KAT2A: variants seen among roughly 807,000 people sequenced by gnomAD.
KAT2A encodes lysine acetyltransferase 2A, also known as histone acetyltransferase KAT2A.
In KAT2A, 42 loss-of-function variants were observed where a neutral mutation model predicts 95.2. The observed-to-expected ratio is 0.44, with a 90% CI of 0.34 to 0.57. The LOEUF (loss-of-function observed/expected upper bound fraction) is 0.57. KAT2A is among the 20% of genes least tolerant of loss of function. The pLI is 0.01. For synonymous variants in KAT2A, 449 were observed against 448.2 expected (o/e 1.00, Z -0.02); for missense variants, 784 against 1,126.3 (o/e 0.70, Z 4.35).
chr17:42,120,787 G>A lies in KAT2A; in HGVS notation c.382C>T (p.Pro128Ser), dbSNP rs782037740. ...CKCNGWKNPK[P>S]PTAPRMDLQQ... ...AGATCCATGCGGGGTGCAGTGGGGGGCTTGGGGTTTTTCCAGCCATTACAC... is the reference window on the plus strand; with the variant it reads ...AGATCCATGCGGGGTGCAGTGGGGGACTTGGGGTTTTTCCAGCCATTACAC... The change falls in exon 2 of 18, where the codon CCC (proline) becomes TCC (serine). Residue 128 changes from proline to serine, a missense_variant. Coordinates refer to ENST00000225916, the MANE Select transcript of KAT2A (RefSeq NM_021078.3). The A allele has an allele frequency of 4.3e-6, 7 of 1,613,714 alleles. No individual in the cohort carries two copies. Among genetic ancestry groups the A allele is most frequent in the Admixed American group, 3.3e-5 (2 of 59,946 alleles).
chr17:42,119,791 G>A lies in KAT2A; in HGVS notation c.700-73C>T, dbSNP rs1280986070. 2 of 1,320,580 alleles carry A rather than the reference G, an allele frequency of 1.5e-6. No individual in the cohort carries two copies. Among genetic ancestry groups the A allele is most frequent in the Non-Finnish European group, 1.0e-6 (1 of 959,552 alleles). 81.8% of individuals were successfully genotyped at this position (1,320,580 alleles called of 1,614,324 possible). ...GCCCGCAGGGCCTTCTTAGACAAAG[G>A]AAGATGCTCCCTGGCCAGGGACAAG... On this transcript the variant is annotated intron_variant, in intron 4 of 17. Coordinates refer to ENST00000225916, the MANE Select transcript of KAT2A (RefSeq NM_021078.3). This position sits in a 1 kb window ranked among gnomAD's most constrained non-coding sequence, Gnocchi z 5.3.
In KAT2A at chr17:42,115,838, G is replaced by C. The variant is rs782659328; in HGVS notation, c.1765-5C>G. The C allele has an allele frequency of 3.2e-6, 5 of 1,565,882 alleles. No individual in the cohort carries two copies. The highest frequency in any genetic ancestry group is 2.2e-5 in the East Asian group (1 of 44,666). ...CATCAGGTGGGTCCCATAACCCTGC[G>C]GGGGAGGGAAGCAGGACTCACCAGG... On this transcript the variant is annotated splice_polypyrimidine_tract_variant and splice_region_variant and intron_variant, in intron 11 of 17. Transcript: ENST00000225916.
rs1442613822 is a variant in KAT2A, at chr17:42,119,944, T to C, written c.699+86A>G. 5 of 1,268,056 alleles carry C rather than the reference T, an allele frequency of 3.9e-6. No individual in the cohort carries two copies. In the East Asian group the frequency reaches 9.3e-5, roughly 24 times the overall value. The allele number at this position is 1,268,056 out of a possible 1,614,324, so 78.6% of individuals were successfully genotyped here. A position where few individuals can be genotyped will look rare whatever the true frequency, so the allele number is the denominator to read the frequency against. Reference sequence around the variant, plus strand: ...TCTGAACCTCCCCAGTGTTCTCAGCTTGAGGAGAATGGAGAACACAGGCTC... The same window carrying C: ...TCTGAACCTCCCCAGTGTTCTCAGCCTGAGGAGAATGGAGAACACAGGCTC... On this transcript the variant is annotated intron_variant, in intron 4 of 17. Coordinates refer to ENST00000225916, the MANE Select transcript of KAT2A (RefSeq NM_021078.3). The surrounding 1 kb of genome is among the most constrained non-coding windows in gnomAD (Gnocchi z 5.3).
chr17:42,113,948 G>A lies in KAT2A; in HGVS notation c.2320+52C>T, dbSNP rs1407000109. The stretch of plus-strand genomic sequence containing the variant: ...GCTGCAGGGCGCAGTGAGGGCAGGA[G>A]CAGGTGTGGGGACAGAAGAGGAGGG... On this transcript the variant is annotated intron_variant, in intron 17 of 17. Coordinates refer to ENST00000225916, the MANE Select transcript of KAT2A (RefSeq NM_021078.3). The A allele has an allele frequency of 6.7e-6, 10 of 1,481,964 alleles. No individual in the cohort carries two copies. The East Asian group carries it at 2.2e-4, about 33-fold the overall frequency. 91.8% of individuals were successfully genotyped at this position (1,481,964 alleles called of 1,614,324 possible).
Position 42,115,126 on chromosome 17 carries a change from T to C in KAT2A, c.1876-91A>G. On this transcript the variant is annotated intron_variant, in intron 12 of 17. Transcript: ENST00000225916. Reference sequence around the variant, plus strand: ...CTGGGAGCACCAGAGGAGTAGCACGTGCCACTTGCCACCTCCTGCTCCTGA... The same window carrying C: ...CTGGGAGCACCAGAGGAGTAGCACGCGCCACTTGCCACCTCCTGCTCCTGA... The C allele has an allele frequency of 3.1e-6, 4 of 1,292,932 alleles. No homozygotes were observed. The East Asian group carries it at 9.2e-5, about 30-fold the overall frequency. The allele number at this position is 1,292,932 out of a possible 1,614,324, so 80.1% of individuals were successfully genotyped here. A position where few individuals can be genotyped will look rare whatever the true frequency, so the allele number is the denominator to read the frequency against.
Position 42,114,325 on chromosome 17 carries a change from C to A in KAT2A, c.2171+33G>T. 6.2e-7 allele frequency: 1 copy of A among 1,613,776 alleles called. No homozygotes were observed. The highest frequency in any genetic ancestry group is 1.3e-5 in the African/African-American group (1 of 74,998). On this transcript the variant is annotated intron_variant, in intron 15 of 17. Coordinates refer to ENST00000225916, the MANE Select transcript of KAT2A (RefSeq NM_021078.3). The surrounding 1 kb of genome is among the most constrained non-coding windows in gnomAD (Gnocchi z 6.0). ...AAGTCTGAGGCTCCAAGTCCCTCTG[C>A]CCCACCCCCAACCCGGCTCCTTTGA...
chr17:42,117,747 G>A lies in KAT2A; in HGVS notation c.1359C>T (p.Asp453=). Residue 453 remains aspartate, a synonymous_variant, in exon 9 of 18, where the codon GAC becomes GAT. Coordinates refer to ENST00000225916, the MANE Select transcript of KAT2A (RefSeq NM_021078.3). The surrounding 1 kb of genome is among the most constrained non-coding windows in gnomAD (Gnocchi z 8.9). ...EDAKRLRVMG[D]IPMELVNEVM... is the part of the protein sequence containing the mutation. ...CCTCATTGACCAGCTCCATGGGGAT[G>A]TCACCCATCACACGGAGCCGCTTGG... 6.2e-7 allele frequency: 1 copy of A among 1,613,984 alleles called. No individual in the cohort carries two copies. The highest frequency in any genetic ancestry group is 1.6e-4 in the Middle Eastern group (1 of 6,062).
Position 42,120,128 on chromosome 17 carries a change from A to G in KAT2A, c.610-9T>C, listed in dbSNP as rs377103078. 2.5e-6 allele frequency: 4 copies of G among 1,614,148 alleles called. No homozygotes were observed. The highest frequency in any genetic ancestry group is 3.4e-6 in the Non-Finnish European group (4 of 1,179,980). ...ATGCATTTCCGCAGTAGCTAGAGAGAAGAGGAAGGGGGCATAGAGGGGAGG... is the reference window on the plus strand; with the variant it reads ...ATGCATTTCCGCAGTAGCTAGAGAGGAGAGGAAGGGGGCATAGAGGGGAGG... On this transcript the variant is annotated splice_polypyrimidine_tract_variant and intron_variant, in intron 3 of 17. Transcript: ENST00000225916.
At position 42,117,959 on chromosome 17, in the gene KAT2A, C is replaced by T; in HGVS notation, c.1239G>A (p.Gly413=). The change falls in exon 8 of 18, where the codon GGG becomes GGA. Residue 413 remains glycine (G), a synonymous_variant. Coordinates refer to ENST00000225916, the MANE Select transcript of KAT2A (RefSeq NM_021078.3). The surrounding 1 kb of genome is among the most constrained non-coding windows in gnomAD (Gnocchi z 8.9). ...CCAGACTCAGGGAGCTGTTGCTGCCCCCACCCATGCTGGGGCTGAAGATGG... is the reference window on the plus strand; with the variant it reads ...CCAGACTCAGGGAGCTGTTGCTGCCTCCACCCATGCTGGGGCTGAAGATGG... ...STPIFSPSMG[G]GSNSSLSLDS... is the part of the protein sequence containing the mutation. 3 of 1,608,504 alleles carry T rather than the reference C, an allele frequency of 1.9e-6. No homozygotes were observed. Among genetic ancestry groups the T allele is most frequent in the East Asian group, 4.5e-5 (2 of 44,768 alleles).
Position 42,120,244 on chromosome 17 carries a change from A to G in KAT2A, c.590T>C (p.Val197Ala). ...HKEEDTDTKQ[V>A]YFYLFKLLRK... ...GCTCACCTTGAAGAGGTAGAAATAG[A>G]CCTGCTTGGTGTCTGTGTCCTCTTC... Residue 197 changes from valine (V) to alanine (A), a missense_variant, in exon 3 of 18, where the codon GTC becomes GCC. Val to Ala is a moderately conservative substitution (Grantham distance 64, BLOSUM62 0). This residue lies in a region of KAT2A where 208 missense variants were observed against 339.7 expected (regional missense o/e 0.61). Coordinates refer to ENST00000225916, the MANE Select transcript of KAT2A (RefSeq NM_021078.3). The G allele has an allele frequency of 6.2e-7, 1 of 1,614,198 alleles. No individual in the cohort carries two copies. Among genetic ancestry groups the G allele is most frequent in the Non-Finnish European group, 8.5e-7 (1 of 1,180,032 alleles).
At position 42,115,828 on chromosome 17, in the gene KAT2A, A is replaced by G; in HGVS notation, c.1770T>C (p.Tyr590=). The G allele has an allele frequency of 6.2e-7, 1 of 1,602,936 alleles. No individual in the cohort carries two copies. Among genetic ancestry groups the G allele is most frequent in the South Asian group, 1.1e-5 (1 of 90,854 alleles). ...AVTSNEQVKG[Y]GTHLMNHLKE... is the part of the protein sequence containing the mutation. ...TCAGGTGGTTCATCAGGTGGGTCCCATAACCCTGCGGGGGAGGGAAGCAGG... is the reference window on the plus strand; with the variant it reads ...TCAGGTGGTTCATCAGGTGGGTCCCGTAACCCTGCGGGGGAGGGAAGCAGG... The change falls in exon 12 of 18, where the codon TAT becomes TAC. Residue 590 remains tyrosine (Y), a synonymous_variant. Transcript: ENST00000225916.
Position 42,117,411 on chromosome 17 carries a change from A to C in KAT2A, c.1614T>G (p.Tyr538Ter). The C allele has an allele frequency of 6.2e-7, 1 of 1,613,606 alleles. No individual in the cohort carries two copies. Among genetic ancestry groups the C allele is most frequent in the Non-Finnish European group, 8.5e-7 (1 of 1,179,912 alleles). Residue 538 changes from tyrosine (Y) to a stop codon, truncating the protein, a stop_gained, in exon 10 of 18, where the codon TAT becomes TAG. Transcript: ENST00000225916. LOFTEE classifies it high-confidence loss of function. The surrounding 1 kb of genome is among the most constrained non-coding windows in gnomAD (Gnocchi z 8.9). ...ACGGGTCAAAGACGAGGCGGGCGAT[A>C]TACTCCTTAGGCATGCGCGGCAGCT... ...SHQLPRMPKE[Y>*]IARLVFDPKH...
In KAT2A at chr17:42,118,326, G is replaced by A. The variant is rs1555666566; in HGVS notation, c.1151C>T (p.Ser384Leu). 6.2e-7 allele frequency: 1 copy of A among 1,613,680 alleles called. No homozygotes were observed. The highest frequency in any genetic ancestry group is 1.1e-5 in the South Asian group (1 of 91,074). ...CCGGGGAACCAGCTGTGTCCCCTCT[G>A]AGGGTGGCATGGTGAAGCCTGACTC... ...IWESGFTMPP[S>L]EGTQLVPRPA... The change falls in exon 7 of 18, where the codon TCA becomes TTA. Residue 384 changes from serine (S) to leucine (L), a missense_variant. Transcript: ENST00000225916.
At position 42,117,140 on chromosome 17, in the gene KAT2A, C is replaced by A; in HGVS notation, c.1659G>T (p.Leu553Phe). ...VFDPKHKTLALIKDGRVIGGI... is the reference protein window; with the variant it reads ...VFDPKHKTLAFIKDGRVIGGI... ...CACCGATGACCCGCCCATCCTTGAT[C>A]AAGGCCAGAGTCTTGTGCTTCCTAA... The change falls in exon 11 of 18, where the codon TTG (leucine) becomes TTT (phenylalanine). Residue 553 changes from leucine (L) to phenylalanine (F), a missense_variant. Leu to Phe is a conservative substitution (Grantham distance 22, BLOSUM62 0). Transcript: ENST00000225916. The surrounding 1 kb of genome is among the most constrained non-coding windows in gnomAD (Gnocchi z 8.9). 1 of 1,614,070 alleles carries A rather than the reference C, an allele frequency of 6.2e-7. No individual in the cohort carries two copies. Among genetic ancestry groups the A allele is most frequent in the South Asian group, 1.1e-5 (1 of 91,072 alleles).
chr17:42,114,209 G>A lies in KAT2A; in HGVS notation c.2235+10C>T, dbSNP rs781865309. The stretch of plus-strand genomic sequence containing the variant: ...GCAGGGGCCCTGGAAAGGAAACCTG[G>A]TCTCCCCACCTTGATTTGGGCCAGC... On this transcript the variant is annotated intron_variant, in intron 16 of 17. Coordinates refer to ENST00000225916, the MANE Select transcript of KAT2A (RefSeq NM_021078.3). This position sits in a 1 kb window ranked among gnomAD's most constrained non-coding sequence, Gnocchi z 6.0. The A allele has an allele frequency of 2.5e-6, 4 of 1,592,656 alleles. No homozygotes were observed. The Admixed American group carries it at 7.2e-5, about 29-fold the overall frequency.
rs1555667109 is a variant in KAT2A, at chr17:42,120,698, T to A, written c.463+8A>T. The A allele has an allele frequency of 6.2e-7, 1 of 1,613,966 alleles. No homozygotes were observed. The highest frequency in any genetic ancestry group is 8.5e-7 in the Non-Finnish European group (1 of 1,180,020). ...TGCCCCCAGCTCCAAGGGCGCTGCC[T>A]GCCTTACCCAAGGGGTGCTCACAAC... On this transcript the variant is annotated splice_region_variant and intron_variant, in intron 2 of 17. Coordinates refer to ENST00000225916, the MANE Select transcript of KAT2A (RefSeq NM_021078.3).
chr17:42,120,426 C>CT (rs2054319785), intron 2 of KAT2A, 56 bp from the exon 3 acceptor site: 1 of 1,578,578 alleles, frequency 6.3e-7, no homozygotes, highest in African/African-American at 1.4e-5. Context: ...AACAAGGCTT[C>CT]TTGACCCTCT....
chr17:42,119,520 C>T lies in KAT2A; in HGVS notation c.881+17G>A. 6.3e-7 allele frequency: 1 copy of T among 1,583,134 alleles called. No individual in the cohort carries two copies. On this transcript the variant is annotated intron_variant, in intron 5 of 17. Transcript: ENST00000225916. The surrounding 1 kb of genome is among the most constrained non-coding windows in gnomAD (Gnocchi z 5.3). Reference sequence around the variant, plus strand: ...GGCCTGCAAGCCTCCCCCGAAGCTGCCCCTGGCTGGGCCTACCTGGTGTAA... The same window carrying T: ...GGCCTGCAAGCCTCCCCCGAAGCTGTCCCTGGCTGGGCCTACCTGGTGTAA...
rs1555666969 is a variant in KAT2A at position 42,120,084 on chromosome 17, A to G, written c.645T>C (p.Pro215=). 3 of 1,614,180 alleles carry G rather than the reference A, an allele frequency of 1.9e-6. No homozygotes were observed. The South Asian group carries it at 3.3e-5, about 18-fold the overall frequency. Residue 215 remains proline, a synonymous_variant, in exon 4 of 18, where the codon CCT becomes CCC. Transcript: ENST00000225916. The part of the protein sequence containing the change: ...LRKCILQMTR[P]VVEGSLGSPP... ...GGCTGCCCAGGGACCCCTCCACCAC[A>G]GGCCGGGTCATCTGCAGGATGCATT...
Sources: allele counts gnomAD v4.1 joint callset, GRCh38; gene constraint gnomAD v4.1.1; regional missense constraint gnomAD v4.1.1; non-coding constraint Gnocchi (gnomAD v3.1); transcripts MANE v1.5; gene names NCBI Gene and HGNC (gene_info 2026-07-23, HGNC 2026-07-21).